Variants in PARG observed in about 807,000 individuals in gnomAD.
PARG encodes the protein mitochondrial poly(ADP-ribose) glycohydrolase.
Under a neutral mutation model 113.0 loss-of-function variants are expected in PARG, and 35 were observed. The ratio of observed to expected loss-of-function variants is 0.31; its 90% CI spans 0.24 to 0.41. The LOEUF is 0.41. Ranked by LOEUF, PARG falls within the 10% of genes least tolerant of loss-of-function variation. The pLI, the probability that PARG is intolerant of heterozygous loss-of-function variation, is 1.00. For synonymous variants in PARG, 330 were observed against 409.9 expected (o/e 0.81, Z 2.36); for missense variants, 797 against 1,169.4 (o/e 0.68, Z 4.64).
chr10:49,831,125 C>A (rs1294609452), intron 16 of PARG, among the ~76,000 whole-genome samples: 4 of 152,044 alleles, frequency 2.6e-5, no homozygotes, highest in Non-Finnish European at 4.4e-5. Context: ...GTCACTTCAT[C>A]AAGTTACATA....
chr10:49,920,489 TATATATATACAC>T (rs1306129587), intron 6 of PARG, among the ~76,000 whole-genome samples: 23 of 102,428 alleles, frequency 2.2e-4, no homozygotes, highest in South Asian at 1.1e-3. Flanking sequence ...TATATATATA[TATATATATACAC>T]ACACACACAC....
chr10:49,826,288 G>A (rs1208361020), intron 16 of PARG, among the ~76,000 whole-genome samples: 1 of 152,214 alleles, frequency 6.6e-6, no homozygotes, highest in Non-Finnish European at 1.5e-5. Flanking sequence ...TCTGGCAGAA[G>A]AAAGCAAAGT....
intron 16 of PARG, among the ~76,000 whole-genome samples, chr10:49,824,852 G>C (rs1844273585): frequency 6.6e-6 from 1 of 152,108 alleles, no homozygotes; most frequent in African/African-American, 2.4e-5. Context: ...GAAAGCGGTG[G>C]AGCTGACTGG....
intron 6 of PARG, among the ~76,000 whole-genome samples, chr10:49,918,773 AT>A (rs1837637171): frequency 6.6e-6 from 1 of 152,220 alleles, no homozygotes; most frequent in East Asian, 1.9e-4. Flanking sequence ...CCATAAGCAG[AT>A]AGAAAAATAT....
chr10:49,890,918 T>C (rs1287631292), intron 7 of PARG, among the ~76,000 whole-genome samples: 3 of 152,266 alleles, frequency 2.0e-5, no homozygotes, highest in African/African-American at 7.2e-5. Context: ...TTTGAATTAA[T>C]AAGTGAAATC....
intron 16 of PARG, among the ~76,000 whole-genome samples, chr10:49,831,343 C>G (rs1414134694): frequency 6.6e-6 from 1 of 152,134 alleles, no homozygotes; most frequent in Non-Finnish European, 1.5e-5. Context: ...TGAATTTTAT[C>G]TAAATATAGT....
chr10:49,846,335 G>T (rs1358452578), intron 13 of PARG, among the ~76,000 whole-genome samples: 1 of 148,720 alleles, frequency 6.7e-6, no homozygotes, highest in Non-Finnish European at 1.5e-5. Flanking sequence ...GGACTGACCA[G>T]AAAAAGGCTC....
chr10:49,903,479 A>G lies in PARG; in HGVS notation c.1737+12438T>C, dbSNP rs568694213. 4.5e-3 allele frequency among the ~76,000 whole-genome samples: 683 copies of G among 151,982 alleles called. 3 individuals carry two copies. Among genetic ancestry groups the G allele is most frequent in the Middle Eastern group, 0.017 (5 of 294 alleles). ...TCCCTGAATATCCTGAACTCAGTTC[A>G]AGAAACATTAACTGTGCATTAGCCA... On this transcript the variant is annotated intron_variant, in intron 7 of 17. Coordinates refer to ENST00000616448, the MANE Select transcript of PARG (RefSeq NM_003631.5).
chr10:49,888,898 T>C (rs1489303155), intron 7 of PARG, among the ~76,000 whole-genome samples: 2 of 152,186 alleles, frequency 1.3e-5, no homozygotes, highest in Admixed American at 6.5e-5. Flanking sequence ...TCATCTATTT[T>C]CTCACTGCTG....
intron 13 of PARG, among the ~76,000 whole-genome samples, chr10:49,844,809 A>T (rs1564608423): frequency 6.6e-6 from 1 of 152,178 alleles, no homozygotes; most frequent in Non-Finnish European, 1.5e-5. Flanking sequence ...CTTCAGGAAA[A>T]TGTTTAGACA....
intron 6 of PARG, among the ~76,000 whole-genome samples, chr10:49,918,391 A>G (rs1837620512): frequency 6.6e-6 from 1 of 152,226 alleles, no homozygotes; most frequent in Admixed American, 6.5e-5. Context: ...TTTAGCTTGT[A>G]TTTATTTTTA....
rs368903583 is a variant in PARG at position 49,843,579 on chromosome 10, G to T, written c.2407C>A (p.Arg803=). The T allele has an allele frequency of 7.6e-5, 118 of 1,550,444 alleles. No individual in the cohort carries two copies. The African/African-American group carries it at 1.5e-3, about 20-fold the overall frequency. ...TGYAETYRWS[R]SHEDGSERDD... Reference sequence around the variant, plus strand: ...CTTTCACTCCCATCTTCGTGGCTCCGGGACCAACGATATGTCTCAGCATAG... The same window carrying T: ...CTTTCACTCCCATCTTCGTGGCTCCTGGACCAACGATATGTCTCAGCATAG... The change falls in exon 14 of 18, where the codon CGG becomes AGG. Residue 803 remains arginine (R), a synonymous_variant. Transcript: ENST00000616448.
At chr10:49,870,756 T>TAGTC (rs1846754445) in intron 9 of PARG, among the ~76,000 whole-genome samples, 1 of 130,768 alleles carries the variant, frequency 7.6e-6, no homozygotes, top group South Asian at 2.8e-4. Flanking sequence ...CATCTGCCTC[T>TAGTC]AGTCATGTGC....
chr10:49,927,602 G>C (rs1393758417), intron 4 of PARG, among the ~76,000 whole-genome samples: 2 of 152,132 alleles, frequency 1.3e-5, no homozygotes, highest in East Asian at 3.9e-4. Flanking sequence ...TAAGGAGGAA[G>C]AAAGAAATTT....
chr10:49,933,386 C>T lies in PARG; in HGVS notation c.1062G>A (p.Arg354=), dbSNP rs1838584571. 3.1e-6 allele frequency: 5 copies of T among 1,613,468 alleles called. No individual in the cohort carries two copies. The highest frequency in any genetic ancestry group is 4.2e-6 in the Non-Finnish European group (5 of 1,179,570). The change falls in exon 3 of 18, where the codon AGG becomes AGA. Residue 354 remains arginine (R), a synonymous_variant. Coordinates refer to ENST00000616448, the MANE Select transcript of PARG (RefSeq NM_003631.5). ...FQARDADIEF[R]KRYSTKGGEV... The stretch of plus-strand genomic sequence containing the variant: ...CACCGCCCTTAGTAGAGTACCGTTT[C>T]CTAAATTCAATGTCAGCGTCTCTTG...
intron 16 of PARG, among the ~76,000 whole-genome samples, chr10:49,821,642 A>T (rs1296580213): frequency 2.6e-5 from 4 of 152,160 alleles, no homozygotes; most frequent in African/African-American, 9.7e-5. Context: ...GGCCTCCCAA[A>T]GTGTGGGGAT....
At chr10:49,841,483 A>C (rs576654106) in intron 15 of PARG, among the ~76,000 whole-genome samples, 2 of 152,332 alleles carry the variant, frequency 1.3e-5, no homozygotes, top group African/African-American at 4.8e-5. Context: ...TGAATATAGT[A>C]GGCGGCACTA....
At chr10:49,916,387 T>C (rs1411756543) in intron 6 of PARG, among the ~76,000 whole-genome samples, 1 of 152,204 alleles carries the variant, frequency 6.6e-6, no homozygotes, top group Non-Finnish European at 1.5e-5. Flanking sequence ...AGATTTGTAG[T>C]ATGAAAATTT....
rs71026274 is a variant in PARG, at chr10:49,828,092, C to CAAAAA, written c.2647+4706_2647+4710dup. On this transcript the variant is annotated intron_variant, in intron 16 of 17. Transcript: ENST00000616448. ...TGAGACGAGATGTAGAAAGCTTAAA[C>CAAAAA]AAAAAAAAAAAAAAAAAAAAAAAAA... 6.3e-3 allele frequency among the ~76,000 whole-genome samples: 317 copies of CAAAAA among 50,422 alleles called. 68 individuals carry two copies. Among genetic ancestry groups the CAAAAA allele is most frequent in the Non-Finnish European group, 7.5e-3 (214 of 28,592 alleles). 33.1% of individuals were successfully genotyped at this position (50,422 alleles called of 152,430 possible). A position where few individuals can be genotyped will look rare whatever the true frequency, so the allele number is the denominator to read the frequency against.
Sources: gnomAD v4.1 joint callset for allele counts (sites outside exome capture counted in the v4.1 genomes callset) on GRCh38, gnomAD v4.1.1 for gene constraint, MANE v1.5 for transcripts, NCBI Gene and HGNC (gene_info 2026-07-23, HGNC 2026-07-21) for gene names.